The following ALG12 variants were observed in gnomAD, a reference collection of about 807,000 sequenced individuals.
The protein encoded by ALG12 is dol-P-Man:Man(7)GlcNAc(2)-PP-Dol alpha-1,6-mannosyltransferase.
ALG12 carries 36 observed loss-of-function variants against 46.0 expected under a neutral mutation model. That is an observed-to-expected ratio of 0.78 (90% confidence interval 0.60 to 1.03). The LOEUF (loss-of-function observed/expected upper bound fraction) is 1.03, where lower values mean the gene tolerates loss of function less well. ALG12 is among the 50% of genes least tolerant of loss of function. The pLI is 0.00. For missense variants in ALG12, 599 were observed against 633.5 expected, an observed-to-expected ratio of 0.95 and a Z score of 0.58; for synonymous variants, 326 against 291.6, an observed-to-expected ratio of 1.12 and a Z score of -1.20.
At chr22:49,864,557 C>G in the ALG12 span, among the ~76,000 whole-genome samples, 54 of 152,288 alleles carry the variant, frequency 3.5e-4, no homozygotes, top group African/African-American at 1.2e-3. Flanking sequence ...TGGCTTACGC[C>G]TATAATCCCA....
the ALG12 span, among the ~76,000 whole-genome samples, chr22:49,862,693 CTTTTTTTTTTTTTTTTT>C: frequency 5.1e-5 from 3 of 58,988 alleles, no homozygotes; most frequent in Non-Finnish European, 9.8e-5. Flanking sequence ...TAAGTTTTTC[CTTTTTTTTTTTTTTTTT>C]TTTTTTTTTA....
Position 49,913,599 on chromosome 22 carries a change from C to G in ALG12, c.162+5G>C, listed in dbSNP as rs757211275. On this transcript the variant is annotated splice_donor_5th_base_variant and intron_variant, in intron 2 of 9. Coordinates refer to ENST00000330817, the MANE Select transcript of ALG12 (RefSeq NM_024105.4). Reference sequence around the variant, plus strand: ...TTTTCCCCAAAGACAGCAGGGGCCCCTCACCTGCTCCAGGTCTTGCCAGTG... The same window carrying G: ...TTTTCCCCAAAGACAGCAGGGGCCCGTCACCTGCTCCAGGTCTTGCCAGTG... 6.2e-7 allele frequency: 1 copy of G among 1,614,108 alleles called. No homozygotes were observed. Among genetic ancestry groups the G allele is most frequent in the South Asian group, 1.1e-5 (1 of 91,084 alleles).
rs1601816709 is a variant in ALG12, at chr22:49,902,476, ACT to A, written c.*1360_*1361del. The A allele has an allele frequency of 1.5e-5, 2 of 131,218 alleles. No individual in the cohort carries two copies. Among genetic ancestry groups the A allele is most frequent in the South Asian group, 2.4e-4 (1 of 4,088 alleles). The allele number at this position is 131,218 out of a possible 1,614,324, so 8.1% of individuals were successfully genotyped here. A position where few individuals can be genotyped will look rare whatever the true frequency, so the allele number is the denominator to read the frequency against. Reference sequence around the variant, plus strand: ...GTATGCATGGTGTGTGCACGTGTGCACTGTGTGGTGTGTATGCATGGTGTGTG... The same window carrying A: ...GTATGCATGGTGTGTGCACGTGTGCAGTGTGGTGTGTATGCATGGTGTGTG... On this transcript the variant is annotated 3_prime_UTR_variant, in exon 10 of 10. Transcript: ENST00000330817.
the ALG12 span, chr22:49,883,875 G>C: frequency 6.2e-7 from 1 of 1,606,566 alleles, no homozygotes; most frequent in Non-Finnish European, 8.5e-7. Flanking sequence ...GCAAGCCCCC[G>C]GGGAAGTACT....
At chr22:49,879,961 T>C in the ALG12 span, among the ~76,000 whole-genome samples, 1 of 149,918 alleles carries the variant, frequency 6.7e-6, no homozygotes, top group African/African-American at 2.4e-5. Flanking sequence ...GTTTTTCTCC[T>C]GGTCAGAGGT....
chr22:49,877,911 T>C, the ALG12 span, among the ~76,000 whole-genome samples: 1 of 152,170 alleles, frequency 6.6e-6, no homozygotes, highest in African/African-American at 2.4e-5. Context: ...ATTCATTCTT[T>C]TGTTATTGCT....
chr22:49,886,407 G>A, the ALG12 span: 32 of 1,604,788 alleles, frequency 2.0e-5, no homozygotes, highest in South Asian at 2.8e-4. This position sits in a 1 kb window ranked among gnomAD's most constrained non-coding sequence, Gnocchi z 7.7. Flanking sequence ...TGTCCGTCGA[G>A]TGTAACTTCC....
the ALG12 span, among the ~76,000 whole-genome samples, chr22:49,891,211 A>G: frequency 6.6e-6 from 1 of 152,176 alleles, no homozygotes; most frequent in African/African-American, 2.4e-5. Flanking sequence ...TGGTACTGGT[A>G]AAGTCCTGTT....
the ALG12 span, among the ~76,000 whole-genome samples, chr22:49,869,168 T>A: frequency 7.3e-5 from 11 of 150,756 alleles, no homozygotes; most frequent in African/African-American, 2.7e-4. Flanking sequence ...AGGGGGATGC[T>A]CGGTCTTGTG....
the ALG12 span, among the ~76,000 whole-genome samples, chr22:49,866,233 T>C: frequency 1.3e-5 from 2 of 152,222 alleles, no homozygotes; most frequent in African/African-American, 2.4e-5. Flanking sequence ...CAATTTCTAA[T>C]TCAGGAAAGG....
intron 6 of ALG12, among the ~76,000 whole-genome samples, 156 bp from the exon 7 acceptor site, chr22:49,908,100 C>A (rs1427820289): frequency 6.6e-6 from 1 of 152,174 alleles, no homozygotes; most frequent in Non-Finnish European, 1.5e-5. Flanking sequence ...AGGCCTCAGG[C>A]CCCTCCTAAA....
At position 49,901,481 on chromosome 22, in the gene ALG12, G is replaced by A. The variant is rs997901734; in HGVS notation, c.*2357C>T. 1 of 152,378 alleles carries A rather than the reference G, an allele frequency of 6.6e-6. No individual in the cohort carries two copies. Among genetic ancestry groups the A allele is most frequent in the African/African-American group, 2.4e-5 (1 of 41,442 alleles). The allele number at this position is 152,378 out of a possible 1,614,324, so 9.4% of individuals were successfully genotyped here. The stretch of plus-strand genomic sequence containing the variant: ...CATGTGTGGTATGTATGCATGGTGT[G>A]TGCACGTGTGCATTGTGTGCATGAT... On this transcript the variant is annotated 3_prime_UTR_variant, in exon 10 of 10. Transcript: ENST00000330817.
At chr22:49,897,905 C>T (rs866893576), downstream of ALG12, among the ~76,000 whole-genome samples, 7 of 151,990 alleles carry the variant, frequency 4.6e-5, no homozygotes, top group East Asian at 1.9e-4. Flanking sequence ...GTGATCTGCC[C>T]GTCTTGGCCT....
chr22:49,890,691 T>C, the ALG12 span, among the ~76,000 whole-genome samples: 1 of 152,148 alleles, frequency 6.6e-6, no homozygotes, highest in Non-Finnish European at 1.5e-5. Flanking sequence ...TGCTAAAGCT[T>C]CGGCTAACTT....
At chr22:49,904,633 C>T in intron 7 of ALG12, 127 bp from the exon 8 acceptor site, 1 of 1,079,236 alleles carries the variant, frequency 9.3e-7, no homozygotes, top group Non-Finnish European at 1.4e-6. Context: ...AGTTCACCAC[C>T]AAATAAAACA....
At chr22:49,882,198 C>T in the ALG12 span, among the ~76,000 whole-genome samples, 2 of 152,220 alleles carry the variant, frequency 1.3e-5, no homozygotes, top group East Asian at 3.8e-4. Context: ...TGCCCATTTG[C>T]CACTCCCTGT....
chr22:49,896,489 CTGGTCCCCTGCTCCTCTCTGGCG>C (rs1424637267), downstream of ALG12, among the ~76,000 whole-genome samples: 1 of 152,256 alleles, frequency 6.6e-6, no homozygotes, highest in Non-Finnish European at 1.5e-5. Flanking sequence ...GGCCCAGGTC[CTGGTCCCCTGCTCCTCTCTGGCG>C]TGGTCCAGCC....
the ALG12 span, among the ~76,000 whole-genome samples, chr22:49,890,553 G>GT: frequency 6.6e-6 from 1 of 152,194 alleles, no homozygotes; most frequent in Admixed American, 6.5e-5. Flanking sequence ...AATCGGGACT[G>GT]TAAGGTGGAT....
At chr22:49,884,974 C>A in the ALG12 span, 6 of 1,613,400 alleles carry the variant, frequency 3.7e-6, no homozygotes, top group Non-Finnish European at 5.1e-6. Context: ...TGGGCTGAGT[C>A]CTAGATTGTT....
Sources: gnomAD v4.1 joint callset for allele counts (sites outside exome capture counted in the v4.1 genomes callset) on GRCh38, gnomAD v4.1.1 for gene constraint, Gnocchi (gnomAD v3.1) non-coding constraint, MANE v1.5 for transcripts, NCBI Gene and HGNC (gene_info 2026-07-23, HGNC 2026-07-21) for gene names.